Variants in MAP4 observed in about 807,000 individuals in gnomAD.
MAP4 encodes microtubule-associated protein 4.
In MAP4, 76 loss-of-function variants were observed where a neutral mutation model predicts 170.2. That is an observed-to-expected ratio of 0.45 (90% CI 0.37 to 0.54). MAP4 has a LOEUF of 0.54. MAP4 is among the 20% of genes least tolerant of loss of function. The pLI is 0.00. For synonymous variants in MAP4, 909 were observed against 994.5 expected (o/e 0.91, Z 1.62); for missense variants, 2,506 against 2,748.0 (o/e 0.91, Z 1.97).
intron 10 of MAP4, among the ~76,000 whole-genome samples, chr3:47,890,324 C>T (rs1359395781): frequency 6.6e-6 from 1 of 152,170 alleles, no homozygotes; most frequent in East Asian, 1.9e-4. Context: ...GTCTCTCCTT[C>T]TCTCCCTGCT....
Position 47,911,950 on chromosome 3 carries a change from C to T in MAP4, c.2471G>A (p.Gly824Glu), listed in dbSNP as rs749726777. 1.3e-6 allele frequency: 2 copies of T among 1,536,062 alleles called. No individual in the cohort carries two copies. Among genetic ancestry groups the T allele is most frequent in the South Asian group, 2.4e-5 (2 of 84,044 alleles). ...TTTCAAGTTTTCTCCAGATACAAGTCCATATTCTGTACCCATAGTGGTAGG... is the reference window on the plus strand; with the variant it reads ...TTTCAAGTTTTCTCCAGATACAAGTTCATATTCTGTACCCATAGTGGTAGG... ...SQPTTMGTEYGLVSGENLKRE... is the reference protein window; with the variant it reads ...SQPTTMGTEYELVSGENLKRE... The change falls in exon 9 of 21, where the codon GGA becomes GAA. Residue 824 changes from glycine (G) to glutamate (E), a missense_variant. Physicochemically the swap from Gly to Glu is moderately conservative, Grantham distance 98 (BLOSUM62 -2). Coordinates refer to ENST00000683076, the MANE Select transcript of MAP4 (RefSeq NM_001385682.1). This position sits in a 1 kb window ranked among gnomAD's most constrained non-coding sequence, Gnocchi z 4.0.
chr3:48,047,625 C>T lies in MAP4; in HGVS notation c.-20+41148G>A, dbSNP rs552172924. 6.9e-4 allele frequency among the ~76,000 whole-genome samples: 105 copies of T among 152,230 alleles called. 1 individual carries two copies. The highest frequency in any genetic ancestry group is 1.9e-3 in the South Asian group (9 of 4,830). ...ATGAAACCTACAAATTGAGGAAACA[C>T]AATAGTCCAAGAGGGAAAGAAAACC... On this transcript the variant is annotated intron_variant, in intron 1 of 18. Coordinates refer to the MAP4 transcript ENST00000360240.
intron 1 of MAP4, among the ~76,000 whole-genome samples, chr3:48,049,239 C>A (rs1470223857): frequency 6.6e-6 from 1 of 152,182 alleles, no homozygotes. Flanking sequence ...CAGTTACGTA[C>A]AAGTTTTTAA....
At chr3:47,923,066 A>G (rs1217568631) in intron 4 of MAP4, among the ~76,000 whole-genome samples, 1 of 152,022 alleles carries the variant, frequency 6.6e-6, no homozygotes, top group African/African-American at 2.4e-5. Flanking sequence ...AAGAAAAAAA[A>G]GCAAAGCTGT....
chr3:47,879,838 C>T (rs2096358709), intron 10 of MAP4, among the ~76,000 whole-genome samples: 1 of 152,176 alleles, frequency 6.6e-6, no homozygotes, highest in Non-Finnish European at 1.5e-5. Context: ...CTATGTTCTC[C>T]ATCTCTATAG....
intron 1 of MAP4, among the ~76,000 whole-genome samples, chr3:48,039,068 C>A (rs2100120305): frequency 6.6e-6 from 1 of 152,078 alleles, no homozygotes; most frequent in Non-Finnish European, 1.5e-5. Flanking sequence ...CATACCACTG[C>A]ACTCCAGCCT....
At chr3:47,914,528 C>T (rs1417151137) in intron 8 of MAP4, among the ~76,000 whole-genome samples, 14 of 145,726 alleles carry the variant, frequency 9.6e-5, no homozygotes, top group South Asian at 6.5e-4. Flanking sequence ...CCAGCCTGGG[C>T]GACAGAGTGA....
At chr3:47,893,566 C>G (rs2100025185) in intron 10 of MAP4, among the ~76,000 whole-genome samples, 2 of 152,094 alleles carry the variant, frequency 1.3e-5, no homozygotes, top group South Asian at 4.1e-4. Context: ...TATATTCAAA[C>G]TGAAGGAACC....
intron 2 of MAP4, among the ~76,000 whole-genome samples, chr3:47,983,755 G>A (rs2100086872): frequency 6.6e-6 from 1 of 152,128 alleles, no homozygotes; most frequent in Non-Finnish European, 1.5e-5. Context: ...CTGGGCTCAA[G>A]TGGTACTCCT....
In MAP4 at chr3:47,858,560, T is replaced by C. The variant is rs1439966009; in HGVS notation, c.6502-1048A>G. Among the ~76,000 whole-genome samples the C allele has an allele frequency of 5.9e-5, 9 of 151,598 alleles. No individual in the cohort carries two copies. The East Asian group carries it at 1.7e-3, about 29-fold the overall frequency. On this transcript the variant is annotated intron_variant, in intron 17 of 20. Coordinates refer to ENST00000683076, the MANE Select transcript of MAP4 (RefSeq NM_001385682.1). ...TTACTTCTAGTCCTTTTCAATGCAT[T>C]TTCCCCTTGGGAGAGGTGAGGGGGT...
At chr3:48,057,940 C>G (rs1032233161) in intron 1 of MAP4, among the ~76,000 whole-genome samples, 2 of 152,120 alleles carry the variant, frequency 1.3e-5, no homozygotes, top group South Asian at 4.1e-4. Flanking sequence ...TTAAAAAACA[C>G]AAATATACTA....
At position 47,892,072 on chromosome 3, in the gene MAP4, G is replaced by GTT. The variant is rs2100024317; in HGVS notation, c.5434+10876_5434+10877dup. The GTT allele has an allele frequency of 2.0e-6, 3 of 1,535,944 alleles. No homozygotes were observed. In the African/African-American group the frequency reaches 4.1e-5, roughly 21 times the overall value. ...CCTTCCCCTGAACTGGAATGGTTTT[G>GTT]TTTTTGTCTGGCCCCTCTATGAGTC... On this transcript the variant is annotated intron_variant, in intron 10 of 20. Transcript: ENST00000683076.
intron 1 of MAP4, among the ~76,000 whole-genome samples, chr3:48,088,419 C>T (rs915040876): frequency 6.6e-6 from 1 of 152,214 alleles, no homozygotes; most frequent in Non-Finnish European, 1.5e-5. Context: ...CCGAACCCCA[C>T]CCAGGGCCCC....
In MAP4 at chr3:47,910,166, G is replaced by A. The variant is rs749904881; in HGVS notation, c.4255C>T (p.Pro1419Ser). Residue 1419 changes from proline to serine, a missense_variant, in exon 9 of 21, where the codon CCC (proline) becomes TCC (serine). Transcript: ENST00000683076. ...DENRNITFTC[P>S]RTPSELINKS... Reference sequence around the variant, plus strand: ...TTTATCAGCTCTGATGGTGTTCTGGGACAGGTAAATGTAATATTTCTATTT... The same window carrying A: ...TTTATCAGCTCTGATGGTGTTCTGGAACAGGTAAATGTAATATTTCTATTT... 2.1e-5 allele frequency: 34 copies of A among 1,613,816 alleles called. No individual in the cohort carries two copies. The Admixed American group carries it at 3.0e-4, about 14-fold the overall frequency.
At position 48,061,383 on chromosome 3, in the gene MAP4, C is replaced by T. The variant is rs914625345; in HGVS notation, c.-20+27390G>A. Among the ~76,000 whole-genome samples the T allele has an allele frequency of 4.6e-5, 7 of 152,084 alleles. 1 individual carries two copies. The highest frequency in any genetic ancestry group is 7.2e-5 in the African/African-American group (3 of 41,414). ...GGTTTTCGTATTTTTTTGGTGGAGA[C>T]GGGGTTTCGCCTGTTGGCCGGGCTG... On this transcript the variant is annotated intron_variant, in intron 1 of 18. Coordinates refer to the MAP4 transcript ENST00000360240.
intron 3 of MAP4, among the ~76,000 whole-genome samples, chr3:47,967,865 A>C (rs187737060): frequency 2.6e-5 from 4 of 152,196 alleles, no homozygotes; most frequent in African/African-American, 9.6e-5. Flanking sequence ...TGGGAAACTG[A>C]GGCGGGAGGA....
intron 6 of MAP4, 37 bp from the exon 7 acceptor site, chr3:47,917,211 A>T (rs1315678174): frequency 1.3e-6 from 2 of 1,538,876 alleles, no homozygotes; most frequent in South Asian, 2.4e-5. Context: ...TTGTCTACTC[A>T]TACCTTTGCA....
At chr3:47,880,651 T>C (rs1437475404) in intron 10 of MAP4, among the ~76,000 whole-genome samples, 1 of 152,048 alleles carries the variant, frequency 6.6e-6, no homozygotes, top group Non-Finnish European at 1.5e-5. Flanking sequence ...AAAAATTTTT[T>C]TGAAGAGATG....
At chr3:48,060,836 A>C (rs941225499) in intron 1 of MAP4, among the ~76,000 whole-genome samples, 1 of 152,116 alleles carries the variant, frequency 6.6e-6, no homozygotes, top group Admixed American at 6.5e-5. Context: ...AAAACGAAAC[A>C]AAATATACAA....
Sources: allele counts gnomAD v4.1 joint callset (sites outside exome capture counted in the v4.1 genomes callset), GRCh38; gene constraint gnomAD v4.1.1; non-coding constraint Gnocchi (gnomAD v3.1); transcripts MANE v1.5; gene names NCBI Gene and HGNC (gene_info 2026-07-23, HGNC 2026-07-21).